Variants in PHF19 observed in about 807,000 individuals in gnomAD.
The protein encoded by PHF19 is polycomb like 3.
Under a neutral mutation model 79.8 loss-of-function variants are expected in PHF19, and 21 were observed. The ratio of observed to expected loss-of-function variants is 0.26; its 90% CI spans 0.19 to 0.38. PHF19 has a LOEUF of 0.38. PHF19 is among the 10% of genes least tolerant of loss of function. The pLI is 1.00. For synonymous variants in PHF19, 273 were observed against 296.3 expected (o/e 0.92, Z 0.81); for missense variants, 445 against 744.2 (o/e 0.60, Z 4.68).
intron 1 of PHF19, among the ~76,000 whole-genome samples, chr9:120,885,583 A>G (rs1303329642): frequency 6.3e-3 from 99 of 15,636 alleles, no homozygotes; most frequent in Middle Eastern, 0.062. Flanking sequence ...ATCTTGGAAA[A>G]AAAAAAAAAA....
In PHF19 at chr9:120,861,231, C is replaced by T. The variant is rs1022465317; in HGVS notation, c.1219-57G>A. On this transcript the variant is annotated intron_variant, in intron 12 of 14. Coordinates refer to ENST00000373896, the MANE Select transcript of PHF19 (RefSeq NM_015651.3). The stretch of plus-strand genomic sequence containing the variant: ...AGACAGCGAGTATCAAATCCACCTC[C>T]CACACAGGCTGCCTCCTATCCAGCC... 4.1e-6 allele frequency: 4 copies of T among 986,080 alleles called. No homozygotes were observed. In the African/African-American group the frequency reaches 6.4e-5, roughly 16 times the overall value. 61.1% of individuals were successfully genotyped at this position (986,080 alleles called of 1,614,324 possible). A position where few individuals can be genotyped will look rare whatever the true frequency, so the allele number is the denominator to read the frequency against.
chr9:120,896,986 T>C (rs1179645020), upstream of PHF19, among the ~76,000 whole-genome samples: 1 of 152,252 alleles, frequency 6.6e-6, no homozygotes, highest in Non-Finnish European at 1.5e-5. Flanking sequence ...TGTGAAGTGT[T>C]AGGCCTTTGG....
chr9:120,871,320 AC>A (rs2045888531), intron 3 of PHF19, among the ~76,000 whole-genome samples: 1 of 152,178 alleles, frequency 6.6e-6, no homozygotes. Flanking sequence ...AGTCCCAGAT[AC>A]CCAATAGTTT....
intron 1 of PHF19, among the ~76,000 whole-genome samples, chr9:120,888,923 C>T (rs2046303640): frequency 6.6e-6 from 1 of 152,148 alleles, no homozygotes; most frequent in Non-Finnish European, 1.5e-5. Context: ...ATGTGCCTGT[C>T]CACTAGCCAG....
intron 13 of PHF19, 51 bp downstream of exon 13, chr9:120,861,038 T>G (rs2045506907): frequency 1.9e-6 from 2 of 1,055,690 alleles, no homozygotes; most frequent in Non-Finnish European, 3.0e-6. Flanking sequence ...TTCTGCTTGG[T>G]TCCCTCCCTG....
At chr9:120,888,239 G>A (rs1362263394) in intron 1 of PHF19, among the ~76,000 whole-genome samples, 1 of 152,188 alleles carries the variant, frequency 6.6e-6, no homozygotes, top group Admixed American at 6.5e-5. Context: ...GCCTCCCAAA[G>A]TGCTGGGATT....
At chr9:120,901,064 T>C in the PHF19 span, among the ~76,000 whole-genome samples, 1 of 152,192 alleles carries the variant, frequency 6.6e-6, no homozygotes, top group Non-Finnish European at 1.5e-5. Flanking sequence ...CATCAGTAGG[T>C]ACCACAGGGC....
intron 10 of PHF19, chr9:120,863,070 A>G: frequency 3.1e-6 from 1 of 327,252 alleles, no homozygotes; most frequent in Non-Finnish European, 5.8e-6. Flanking sequence ...TGGAACTCCT[A>G]TGGTCAAGAT....
rs755225259 is a variant in PHF19, at chr9:120,869,366, T to C, written c.466-36A>G. 3.9e-5 allele frequency: 62 copies of C among 1,599,236 alleles called. No homozygotes were observed. In the East Asian group the frequency reaches 1.3e-3, roughly 34 times the overall value. On this transcript the variant is annotated intron_variant, in intron 5 of 14. Coordinates refer to ENST00000373896, the MANE Select transcript of PHF19 (RefSeq NM_015651.3). This position sits in a 1 kb window ranked among gnomAD's most constrained non-coding sequence, Gnocchi z 5.8. ...ACGAGGGCCCCAGTCAACCACCAGG[T>C]CCGGGTGGACCACGCGAGTCAGCAC... is the stretch of plus-strand genomic sequence containing the variant.
rs552831683 is a variant in PHF19 at position 120,866,702 on chromosome 9, A to G, written c.710+168T>C. 6.6e-6 allele frequency among the ~76,000 whole-genome samples: 1 copy of G among 152,352 alleles called. No individual in the cohort carries two copies. Among genetic ancestry groups the G allele is most frequent in the South Asian group, 2.1e-4 (1 of 4,832 alleles). On this transcript the variant is annotated intron_variant, in intron 7 of 14. Coordinates refer to ENST00000373896, the MANE Select transcript of PHF19 (RefSeq NM_015651.3). This position sits in a 1 kb window ranked among gnomAD's most constrained non-coding sequence, Gnocchi z 5.2. ...TCTTTATTGCCTCCTGGCCCTGCAT[A>G]GCTAGGGGATCCCCTACCTTGAGCT...
chr9:120,860,152 G>T lies in PHF19; in HGVS notation c.1338C>A (p.Val446=). 6.3e-7 allele frequency: 1 copy of T among 1,597,604 alleles called. No individual in the cohort carries two copies. ...AGGTGCTGGCAGCGTCGGTGGAGTC[G>T]ACATCTGAGAAGAAGGTCTGGCCTG... ...ASSGQTFFSD[V]DSTDAASTSG... is the part of the protein sequence containing the mutation. The change falls in exon 14 of 15, where the codon GTC becomes GTA. Residue 446 remains valine, a synonymous_variant. Transcript: ENST00000373896. The surrounding 1 kb of genome is among the most constrained non-coding windows in gnomAD (Gnocchi z 4.1).
chr9:120,877,389 C>G (rs1027234723), upstream of PHF19: 56 of 979,104 alleles, frequency 5.7e-5, 1 homozygote, highest in African/African-American at 9.2e-4. Context: ...GCGCCGGCCT[C>G]GCCATTGGAG....
intron 1 of PHF19, among the ~76,000 whole-genome samples, chr9:120,885,151 G>A (rs1341357001): frequency 2.6e-5 from 4 of 152,162 alleles, no homozygotes; most frequent in African/African-American, 4.8e-5. Flanking sequence ...CCAGAAGTTC[G>A]AGGATGCAGT....
chr9:120,880,553 T>C (rs1312132738), upstream of PHF19, among the ~76,000 whole-genome samples: 1 of 152,160 alleles, frequency 6.6e-6, no homozygotes, highest in Non-Finnish European at 1.5e-5. Context: ...TGGAATAATA[T>C]ACTGGGAGTA....
intron 1 of PHF19, among the ~76,000 whole-genome samples, chr9:120,890,565 A>G (rs2046329012): frequency 6.6e-6 from 1 of 152,096 alleles, no homozygotes; most frequent in Admixed American, 6.5e-5. Flanking sequence ...GAGTCAAAGG[A>G]TGAGGCCCTG....
chr9:120,860,969 C>T lies in PHF19; in HGVS notation c.1304+120G>A. 1.4e-6 allele frequency: 1 copy of T among 702,958 alleles called. No individual in the cohort carries two copies. The allele number at this position is 702,958 out of a possible 1,614,324, so 43.5% of individuals were successfully genotyped here. On this transcript the variant is annotated intron_variant, in intron 13 of 14. Coordinates refer to ENST00000373896, the MANE Select transcript of PHF19 (RefSeq NM_015651.3). This position sits in a 1 kb window ranked among gnomAD's most constrained non-coding sequence, Gnocchi z 4.1. Reference sequence around the variant, plus strand: ...GGATGTTATGCTGAAAGCTCTACTGCAAAAAGCCCCTTCAGACAGACCTGC... The same window carrying T: ...GGATGTTATGCTGAAAGCTCTACTGTAAAAAGCCCCTTCAGACAGACCTGC...
chr9:120,886,877 G>C (rs1487192529), intron 1 of PHF19, among the ~76,000 whole-genome samples: 4 of 152,080 alleles, frequency 2.6e-5, no homozygotes, highest in Non-Finnish European at 5.9e-5. Context: ...AGACCAGCCT[G>C]GCCAGTATGG....
rs1454638625 is a variant in PHF19, at chr9:120,862,769, G to A, written c.969-20C>T. 6.2e-7 allele frequency: 1 copy of A among 1,613,280 alleles called. No homozygotes were observed. The highest frequency in any genetic ancestry group is 8.5e-7 in the Non-Finnish European group (1 of 1,179,408). On this transcript the variant is annotated intron_variant, in intron 10 of 14. Transcript: ENST00000373896. This position sits in a 1 kb window ranked among gnomAD's most constrained non-coding sequence, Gnocchi z 4.6. ...AGGAACCTGGGGGTGGGCAGTGGGA[G>A]GAAGAAGCTCTGGAGTCTGTCAGTC...
chr9:120,882,702 C>G (rs2046203824), intron 1 of PHF19, among the ~76,000 whole-genome samples: 1 of 151,958 alleles, frequency 6.6e-6, no homozygotes, highest in Non-Finnish European at 1.5e-5. Context: ...ATTAGTCGTG[C>G]ATGGTGGCGG....
Sources: allele counts gnomAD v4.1 joint callset (sites outside exome capture counted in the v4.1 genomes callset), GRCh38; gene constraint gnomAD v4.1.1; non-coding constraint Gnocchi (gnomAD v3.1); transcripts MANE v1.5; gene names NCBI Gene and HGNC (gene_info 2026-07-23, HGNC 2026-07-21).